The following CNOT4 variants were observed in gnomAD, a reference collection of about 807,000 sequenced individuals.
CNOT4 encodes the protein CCR4-associated factor 4.
A neutral mutation model predicts 73.8 loss-of-function variants in CNOT4; 8 were observed. The observed-to-expected ratio is 0.11, with a 90% confidence interval of 0.06 to 0.20. The LOEUF (loss-of-function observed/expected upper bound fraction) is 0.20. Among genes scored for constraint, CNOT4 ranks in the 10% least tolerant of loss-of-function variants. CNOT4 has a pLI of 1.00. For synonymous variants in CNOT4, 293 were observed against 321.1 expected (o/e 0.91, Z 0.94); for missense variants, 564 against 883.4 (o/e 0.64, Z 4.58).
intron 1 of CNOT4, among the ~76,000 whole-genome samples, chr7:135,438,655 G>A (rs1004568993): frequency 6.6e-6 from 1 of 151,918 alleles, no homozygotes; most frequent in African/African-American, 2.4e-5. Flanking sequence ...CTTTTTTCTC[G>A]ATAAAACATT....
chr7:135,369,428 C>T (rs1242062302), intron 10 of CNOT4, among the ~76,000 whole-genome samples: 1 of 152,148 alleles, frequency 6.6e-6, no homozygotes, highest in South Asian at 2.1e-4. Flanking sequence ...GACCCAGTCA[C>T]AAAATACACC....
In CNOT4 at chr7:135,440,907, C is replaced by T. The variant is rs977829328; in HGVS notation, c.-92-2484G>A. On this transcript the variant is annotated intron_variant, in intron 1 of 11. Transcript: ENST00000541284. Reference sequence around the variant, plus strand: ...CCAGCCTGGTGACAGAGAGAGACTCCGTCTCAAAAAAAAAAAAAAGAGTAG... The same window carrying T: ...CCAGCCTGGTGACAGAGAGAGACTCTGTCTCAAAAAAAAAAAAAAGAGTAG... Among the ~76,000 whole-genome samples the T allele has an allele frequency of 3.4e-5, 5 of 148,676 alleles. 1 individual carries two copies. Among genetic ancestry groups the T allele is most frequent in the South Asian group, 4.2e-4 (2 of 4,724 alleles).
chr7:135,402,007 C>A (rs375415985), intron 7 of CNOT4, among the ~76,000 whole-genome samples: 2 of 151,990 alleles, frequency 1.3e-5, no homozygotes, highest in South Asian at 4.2e-4. Context: ...AATCCCTGTA[C>A]ATAAAAATTC....
chr7:135,457,456 T>G (rs1275373564), intron 1 of CNOT4, among the ~76,000 whole-genome samples: 1 of 152,084 alleles, frequency 6.6e-6, no homozygotes, highest in Non-Finnish European at 1.5e-5. Flanking sequence ...TATCTCGCAT[T>G]GTAAGGGATA....
At chr7:135,376,352 CTTTT>C (rs112830026) in intron 10 of CNOT4, among the ~76,000 whole-genome samples, 1 of 151,862 alleles carries the variant, frequency 6.6e-6, no homozygotes, top group Non-Finnish European at 1.5e-5. Flanking sequence ...TGCTGTTCTG[CTTTT>C]TTTTAATTTT....
chr7:135,411,280 T>C (rs1403887733), intron 6 of CNOT4, among the ~76,000 whole-genome samples: 1 of 152,090 alleles, frequency 6.6e-6, no homozygotes, highest in Non-Finnish European at 1.5e-5. Context: ...CCTGTTTTTA[T>C]AAATAAAGTT....
intron 3 of CNOT4, among the ~76,000 whole-genome samples, chr7:135,415,663 A>G (rs1797832787): frequency 6.6e-6 from 1 of 152,118 alleles, no homozygotes; most frequent in Non-Finnish European, 1.5e-5. Flanking sequence ...AAAATTATGT[A>G]TTAAAGGTAA....
At chr7:135,446,845 AG>A (rs1366882794) in intron 1 of CNOT4, among the ~76,000 whole-genome samples, 13 of 152,070 alleles carry the variant, frequency 8.5e-5, no homozygotes, top group African/African-American at 2.9e-4. Flanking sequence ...GATTAAAAAA[AG>A]AAAAAGAAAA....
chr7:135,415,111 T>A, intron 4 of CNOT4, 65 bp downstream of exon 4: 1 of 935,916 alleles, frequency 1.1e-6, no homozygotes, highest in East Asian at 2.4e-5. Context: ...AAAGTTTCCT[T>A]TGGAACAGCC....
intron 2 of CNOT4, among the ~76,000 whole-genome samples, chr7:135,436,637 C>T (rs908487851): frequency 6.0e-5 from 9 of 150,516 alleles, no homozygotes; most frequent in African/African-American, 2.2e-4. Flanking sequence ...TATATATATA[C>T]AAATTATATA....
intron 10 of CNOT4, chr7:135,387,860 C>A (rs1444970161): frequency 1.0e-6 from 1 of 971,760 alleles, no homozygotes; most frequent in East Asian, 1.1e-4. Context: ...TAGAGGACAT[C>A]CAATCTCTTC....
At chr7:135,474,276 ATTTT>A (rs869203152) in intron 1 of CNOT4, among the ~76,000 whole-genome samples, 1 of 87,974 alleles carries the variant, frequency 1.1e-5, no homozygotes, top group Non-Finnish European at 2.2e-5. Flanking sequence ...CTGTGCCCAA[ATTTT>A]TTTTTTTTTT....
intron 1 of CNOT4, among the ~76,000 whole-genome samples, chr7:135,466,207 T>C (rs1801207984): frequency 1.3e-5 from 2 of 152,132 alleles, no homozygotes; most frequent in South Asian, 4.2e-4. Context: ...ATAGACCATG[T>C]ATGGTGGCTC....
At chr7:135,430,711 T>C (rs1271055274) in intron 2 of CNOT4, among the ~76,000 whole-genome samples, 1 of 151,994 alleles carries the variant, frequency 6.6e-6, no homozygotes, top group African/African-American at 2.4e-5. Context: ...AGTATAACCA[T>C]CTCAATAGTA....
chr7:135,493,849 C>G (rs868783573), intron 1 of CNOT4, among the ~76,000 whole-genome samples: 64 of 152,046 alleles, frequency 4.2e-4, no homozygotes, highest in African/African-American at 1.4e-3. Flanking sequence ...TGCAAAGAAA[C>G]TGTAATGCAC....
chr7:135,362,941 G>T lies in CNOT4; in HGVS notation c.2086C>A (p.Pro696Thr), dbSNP rs201606362. 21 of 1,612,724 alleles carry T rather than the reference G, an allele frequency of 1.3e-5. No individual in the cohort carries two copies. Among genetic ancestry groups the T allele is most frequent in the Non-Finnish European group, 1.7e-5 (20 of 1,179,400 alleles). Residue 696 changes from proline to threonine, a missense_variant, in exon 12 of 12, where the codon CCC becomes ACC. Coordinates refer to ENST00000541284, the MANE Select transcript of CNOT4 (RefSeq NM_001190850.2). ...AAATCTGTGGGGGTTTTGCTGGGGG[G>T]TCTGAAGGCTGTCTGAAAGCCTGGG... The part of the protein sequence containing the change: ...PPPGFQTAFR[P>T]PSKTPTDLLQ...
intron 1 of CNOT4, among the ~76,000 whole-genome samples, chr7:135,473,027 C>T (rs536010145): frequency 6.7e-6 from 1 of 149,846 alleles, no homozygotes; most frequent in Non-Finnish European, 1.5e-5. Context: ...GGTGACAGAG[C>T]AAGACTCTGT....
chr7:135,429,817 T>G (rs535656619), intron 2 of CNOT4, among the ~76,000 whole-genome samples: 1 of 152,106 alleles, frequency 6.6e-6, no homozygotes, highest in African/African-American at 2.4e-5. Flanking sequence ...ATAAGACCGA[T>G]GAATACCATA....
chr7:135,435,682 T>A (rs1212094443), intron 2 of CNOT4, among the ~76,000 whole-genome samples: 1 of 152,196 alleles, frequency 6.6e-6, no homozygotes, highest in African/African-American at 2.4e-5. Context: ...CTGAAATCTG[T>A]GTTAATTCTT....
Sources: allele counts gnomAD v4.1 joint callset (sites outside exome capture counted in the v4.1 genomes callset), GRCh38; gene constraint gnomAD v4.1.1; transcripts MANE v1.5; gene names NCBI Gene and HGNC (gene_info 2026-07-23, HGNC 2026-07-21).